The following CLNK variants were observed in gnomAD, a reference collection of about 807,000 sequenced individuals.
CLNK encodes cytokine dependent hematopoietic cell linker, also known as cytokine-dependent hematopoietic cell linker.
In CLNK, 74 loss-of-function variants were observed where a neutral mutation model predicts 68.6. The observed-to-expected ratio is 1.08, with a 90% CI of 0.89 to 1.31. The LOEUF (loss-of-function observed/expected upper bound fraction) is 1.31. CLNK is among the 50% of genes most tolerant of loss of function. The pLI is 0.00. For synonymous variants in CLNK, 198 were observed against 172.2 expected (o/e 1.15, Z -1.17); for missense variants, 553 against 515.3 (o/e 1.07, Z -0.71).
At chr4:10,688,343 CA>C (rs1577222428), upstream of CLNK, among the ~76,000 whole-genome samples, 1 of 151,970 alleles carries the variant, frequency 6.6e-6, no homozygotes, top group Non-Finnish European at 1.5e-5. Context: ...CTACTCAAGG[CA>C]TGAAACTCTT....
chr4:10,503,646 A>G (rs1717151876), intron 17 of CLNK, among the ~76,000 whole-genome samples: 1 of 149,386 alleles, frequency 6.7e-6, no homozygotes, highest in Admixed American at 6.7e-5. Context: ...ATATAACATA[A>G]CAATACTTTA....
intron 2 of CLNK, among the ~76,000 whole-genome samples, chr4:10,653,657 C>T (rs1377979272): frequency 6.6e-6 from 1 of 152,072 alleles, no homozygotes; most frequent in African/African-American, 2.4e-5. Context: ...ATAACAAACT[C>T]ATATTGCCAA....
intron 2 of CLNK, among the ~76,000 whole-genome samples, chr4:10,621,506 G>C (rs1336091229): frequency 1.3e-5 from 2 of 152,182 alleles, no homozygotes; most frequent in African/African-American, 4.8e-5. Flanking sequence ...CAATAGACTT[G>C]GGGCCAGAAA....
chr4:10,611,013 A>G (rs1448421234), intron 2 of CLNK, among the ~76,000 whole-genome samples: 2 of 151,378 alleles, frequency 1.3e-5, no homozygotes, highest in South Asian at 2.1e-4. Flanking sequence ...GTGAAACCCC[A>G]TCTCTACTAA....
At chr4:10,597,877 A>T (rs1721443559) in intron 3 of CLNK, 101 bp downstream of exon 3, 5 of 795,934 alleles carry the variant, frequency 6.3e-6, no homozygotes. Context: ...ACTACAGGTC[A>T]TTCCATCACA....
intron 3 of CLNK, among the ~76,000 whole-genome samples, chr4:10,592,279 A>C (rs575017107): frequency 6.6e-6 from 1 of 152,200 alleles, no homozygotes; most frequent in African/African-American, 2.4e-5. Context: ...TAAGCTATCA[A>C]TCAGTGCTCC....
At chr4:10,580,636 T>A (rs1382252436) in intron 4 of CLNK, among the ~76,000 whole-genome samples, 3 of 149,464 alleles carry the variant, frequency 2.0e-5, no homozygotes, top group Non-Finnish European at 3.0e-5. Context: ...ATTTAAAAAG[T>A]AAAAAAAAAT....
chr4:10,610,035 T>TG (rs1219826058), intron 2 of CLNK, among the ~76,000 whole-genome samples: 1 of 1,344 alleles, frequency 7.4e-4, no homozygotes, highest in Non-Finnish European at 0.017. Context: ...GAATGCTCGT[T>TG]TTTTTTTTTT....
intron 2 of CLNK, among the ~76,000 whole-genome samples, chr4:10,598,883 G>A (rs1560235343): frequency 6.6e-6 from 1 of 152,090 alleles, no homozygotes; most frequent in Non-Finnish European, 1.5e-5. Context: ...AGTTCCACTT[G>A]GGGCAAATTT....
intron 4 of CLNK, among the ~76,000 whole-genome samples, chr4:10,573,311 T>G (rs1720421640): frequency 6.6e-6 from 1 of 152,180 alleles, no homozygotes; most frequent in Non-Finnish European, 1.5e-5. Context: ...CCAGTACATA[T>G]GGGAAGTGTT....
intron 2 of CLNK, among the ~76,000 whole-genome samples, chr4:10,664,719 G>T (rs1258676392): frequency 2.0e-5 from 3 of 152,212 alleles, no homozygotes; most frequent in Non-Finnish European, 4.4e-5. Context: ...TGGTGATGCT[G>T]ACACTGCTGC....
chr4:10,598,100 G>A (rs1311253474), intron 2 of CLNK, 51 bp from the exon 3 acceptor site: 6 of 1,300,756 alleles, frequency 4.6e-6, no homozygotes, highest in Non-Finnish European at 5.4e-6. Flanking sequence ...GAAGCTAGGG[G>A]AAAAATTAAT....
intron 12 of CLNK, among the ~76,000 whole-genome samples, chr4:10,529,696 C>T (rs1718460763): frequency 6.6e-6 from 1 of 152,150 alleles, no homozygotes; most frequent in African/African-American, 2.4e-5. Flanking sequence ...TTGAACCTGG[C>T]TGTTCAAAGT....
intron 15 of CLNK, among the ~76,000 whole-genome samples, chr4:10,515,728 G>A (rs1193924759): frequency 1.3e-5 from 2 of 152,180 alleles, no homozygotes; most frequent in Non-Finnish European, 1.5e-5. Flanking sequence ...TTCTACTGTG[G>A]TGGGTGGTGC....
chr4:10,524,318 G>T (rs944875808), intron 14 of CLNK, among the ~76,000 whole-genome samples: 1 of 152,162 alleles, frequency 6.6e-6, no homozygotes, highest in Non-Finnish European at 1.5e-5. Context: ...ATCATGCCCC[G>T]ATATACAGGG....
At chr4:10,623,828 C>T (rs1379348957) in intron 2 of CLNK, among the ~76,000 whole-genome samples, 1 of 152,192 alleles carries the variant, frequency 6.6e-6, no homozygotes, top group Non-Finnish European at 1.5e-5. Flanking sequence ...GAGAACCCAA[C>T]CCTAGAAAAC....
At chr4:10,567,129 G>A (rs61795102) in intron 5 of CLNK, among the ~76,000 whole-genome samples, 2 of 38,692 alleles carry the variant, frequency 5.2e-5, no homozygotes, top group Admixed American at 4.1e-4. Flanking sequence ...AAACAATCTT[G>A]GGAAAAAAAA....
At chr4:10,714,291 G>A in the CLNK span, among the ~76,000 whole-genome samples, 9 of 152,300 alleles carry the variant, frequency 5.9e-5, no homozygotes, top group Admixed American at 1.3e-4. Context: ...AGAATATTTC[G>A]TGTTACTTAA....
At chr4:10,606,157 T>A in intron 2 of CLNK, among the ~76,000 whole-genome samples, 1 of 152,384 alleles carries the variant, frequency 6.6e-6, no homozygotes, top group Middle Eastern at 3.4e-3. Flanking sequence ...ATACTTGTTA[T>A]ATACTTATTC....
Sources: allele counts gnomAD v4.1 joint callset (sites outside exome capture counted in the v4.1 genomes callset), GRCh38; gene constraint gnomAD v4.1.1; transcripts MANE v1.5; gene names NCBI Gene and HGNC (gene_info 2026-07-23, HGNC 2026-07-21).